NCK2: variants seen among roughly 807,000 people sequenced by gnomAD.
NCK2 encodes the protein NCK adaptor protein 2, also known as cytoplasmic protein NCK2.
In NCK2, 16 loss-of-function variants were observed where a neutral mutation model predicts 33.9. The ratio of observed to expected loss-of-function variants is 0.47; its 90% CI spans 0.32 to 0.72. The LOEUF (loss-of-function observed/expected upper bound fraction) is 0.72, where lower values mean the gene tolerates loss of function less well. Among genes scored for constraint, NCK2 ranks in the 30% least tolerant of loss-of-function variants. The probability of loss-of-function intolerance (pLI) is 0.03; values close to 1 mark genes in which losing one functional copy is unlikely to be tolerated. For synonymous variants in NCK2, 273 were observed against 239.9 expected (o/e 1.14, Z -1.27); for missense variants, 418 against 537.3 (o/e 0.78, Z 2.19).
rs1690537746 is a variant in NCK2 at position 105,782,627 on chromosome 2, G to A, written c.-200-33803G>A. Among the ~76,000 whole-genome samples, 4 of 152,150 alleles carry A rather than the reference G, an allele frequency of 2.6e-5. No individual in the cohort carries two copies. The South Asian group carries it at 8.3e-4, about 32-fold the overall frequency. The stretch of plus-strand genomic sequence containing the variant: ...TTGTTAGAGCAGTTTTGTTTTCATG[G>A]CTAATTTAGCTCTCCTCATGCAACG... On this transcript the variant is annotated intron_variant, in intron 1 of 4. Coordinates refer to ENST00000233154, the MANE Select transcript of NCK2 (RefSeq NM_003581.5).
At chr2:105,808,118 G>C (rs903265825) in intron 1 of NCK2, among the ~76,000 whole-genome samples, 2 of 152,096 alleles carry the variant, frequency 1.3e-5, no homozygotes, top group Non-Finnish European at 2.9e-5. Flanking sequence ...GGCCAGGATG[G>C]TCTTGATCTG....
chr2:105,761,891 A>G (rs1689776579), intron 1 of NCK2, among the ~76,000 whole-genome samples: 1 of 152,220 alleles, frequency 6.6e-6, no homozygotes, highest in South Asian at 2.1e-4. Flanking sequence ...GAATACAGAC[A>G]TGTGCGCTGA....
At chr2:105,824,793 G>A (rs1276901318) in intron 2 of NCK2, among the ~76,000 whole-genome samples, 3 of 152,132 alleles carry the variant, frequency 2.0e-5, no homozygotes, top group Non-Finnish European at 2.9e-5. Context: ...GGAATTCTAA[G>A]GACAGTCCTG....
At chr2:105,795,302 A>AT (rs58483160) in intron 1 of NCK2, among the ~76,000 whole-genome samples, 4,612 of 151,110 alleles carry the variant, frequency 0.031, 97 homozygotes, top group African/African-American at 0.044. Context: ...TATATTTTTA[A>AT]TTTTTTTTTT....
At chr2:105,763,788 T>G (rs994624713) in intron 1 of NCK2, among the ~76,000 whole-genome samples, 2 of 152,190 alleles carry the variant, frequency 1.3e-5, no homozygotes, top group East Asian at 1.9e-4. Context: ...ACCCTGTGTT[T>G]AAAGAAATAT....
At chr2:105,785,319 C>A (rs1690638850) in intron 1 of NCK2, among the ~76,000 whole-genome samples, 1 of 152,074 alleles carries the variant, frequency 6.6e-6, no homozygotes, top group Non-Finnish European at 1.5e-5. Context: ...CTGTGTGTGT[C>A]CAAGTGTAAA....
At chr2:105,797,583 C>T (rs747022768) in intron 1 of NCK2, among the ~76,000 whole-genome samples, 9 of 152,244 alleles carry the variant, frequency 5.9e-5, no homozygotes, top group South Asian at 2.1e-4. Context: ...TGGAATGGAG[C>T]GTGGAGCCTG....
intron 2 of NCK2, among the ~76,000 whole-genome samples, chr2:105,852,313 G>A (rs1046869164): frequency 6.6e-6 from 1 of 152,166 alleles, no homozygotes; most frequent in Non-Finnish European, 1.5e-5. Flanking sequence ...GCTCAGGGTT[G>A]TGGCCCAGGG....
chr2:105,870,098 C>A (rs1444342726), intron 3 of NCK2, among the ~76,000 whole-genome samples: 2 of 152,136 alleles, frequency 1.3e-5, no homozygotes. Context: ...CTGGTGTGCC[C>A]ACCCACTGGC....
chr2:105,782,882 A>G lies in NCK2; in HGVS notation c.-200-33548A>G, dbSNP rs115087400. Among the ~76,000 whole-genome samples, 1,208 of 152,254 alleles carry G rather than the reference A, an allele frequency of 7.9e-3. 19 individuals carry two copies. Among genetic ancestry groups the G allele is most frequent in the African/African-American group, 0.027 (1,115 of 41,556 alleles). ...CTGTCCCCAACGCTCCCAACTGGAG[A>G]GGCGTAGGGGGCAGTTACTCCAGAC... On this transcript the variant is annotated intron_variant, in intron 1 of 4. Transcript: ENST00000233154.
At chr2:105,842,179 G>A (rs150713111) in intron 2 of NCK2, among the ~76,000 whole-genome samples, 12,086 of 151,790 alleles carry the variant, frequency 0.08, 730 homozygotes, top group Admixed American at 0.2. Flanking sequence ...TCTGCCTCCC[G>A]GTTTCAAGTG....
chr2:105,780,325 TACACACACACACACACAC>T lies in NCK2; in HGVS notation c.-201+35209_-201+35226del, dbSNP rs57857814. On this transcript the variant is annotated intron_variant, in intron 1 of 4. Coordinates refer to ENST00000233154, the MANE Select transcript of NCK2 (RefSeq NM_003581.5). ...TTCCATAATATGGGAGAGAGATATA[TACACACACACACACACAC>T]ACACACACACACACACACACATTCA... 3.3e-3 allele frequency among the ~76,000 whole-genome samples: 493 copies of T among 147,472 alleles called. 4 individuals carry two copies. Among genetic ancestry groups the T allele is most frequent in the Middle Eastern group, 0.014 (4 of 286 alleles).
intron 1 of NCK2, among the ~76,000 whole-genome samples, chr2:105,810,148 T>C (rs1675234246): frequency 6.6e-6 from 1 of 152,220 alleles, no homozygotes; most frequent in South Asian, 2.1e-4. Flanking sequence ...TGGAATTTTA[T>C]CTAAAGCTGT....
At chr2:105,833,673 T>G (rs1573176342) in intron 2 of NCK2, among the ~76,000 whole-genome samples, 1 of 152,244 alleles carries the variant, frequency 6.6e-6, no homozygotes, top group East Asian at 1.9e-4. Flanking sequence ...TGCATTTTTT[T>G]GGCCTCTTTT....
intron 3 of NCK2, among the ~76,000 whole-genome samples, chr2:105,876,000 A>G (rs928161794): frequency 6.6e-6 from 1 of 151,892 alleles, no homozygotes; most frequent in Non-Finnish European, 1.5e-5. Context: ...ATTCTTTTTC[A>G]TGCAAAGATA....
intron 1 of NCK2, among the ~76,000 whole-genome samples, chr2:105,762,796 GGT>G (rs1465816616): frequency 1.3e-5 from 2 of 152,128 alleles, no homozygotes; most frequent in African/African-American, 2.4e-5. Flanking sequence ...CCTCTCGTTT[GGT>G]GTGTTAATAA....
intron 1 of NCK2, among the ~76,000 whole-genome samples, chr2:105,771,574 A>G (rs1690137850): frequency 6.6e-6 from 1 of 152,156 alleles, no homozygotes; most frequent in African/African-American, 2.4e-5. Flanking sequence ...TCAAAAACAG[A>G]AAGACCTAAT....
At chr2:105,781,784 G>A (rs1690504591) in intron 1 of NCK2, among the ~76,000 whole-genome samples, 1 of 152,192 alleles carries the variant, frequency 6.6e-6, no homozygotes, top group Non-Finnish European at 1.5e-5. Context: ...ACGAAAATTT[G>A]TAGACATGTC....
At chr2:105,851,836 T>C (rs1425155608) in intron 2 of NCK2, 2 of 152,206 alleles carry the variant, frequency 1.3e-5, no homozygotes, top group African/African-American at 4.8e-5. Flanking sequence ...GGTGGTGAAT[T>C]GGTGGGCGTC....
Sources: allele counts gnomAD v4.1 joint callset (sites outside exome capture counted in the v4.1 genomes callset), GRCh38; gene constraint gnomAD v4.1.1; transcripts MANE v1.5; gene names NCBI Gene and HGNC (gene_info 2026-07-23, HGNC 2026-07-21).